The following FNBP1 variants were observed in gnomAD, a reference collection of about 807,000 sequenced individuals.
FNBP1 encodes the protein formin binding protein 1.
FNBP1 carries 26 observed loss-of-function variants against 90.6 expected under a neutral mutation model. The observed-to-expected ratio is 0.29, with a 90% CI of 0.21 to 0.40. FNBP1 has a LOEUF of 0.40. FNBP1 is among the 10% of genes least tolerant of loss of function. The pLI, the probability that FNBP1 is intolerant of heterozygous loss-of-function variation, is 1.00. For missense variants in FNBP1, 635 were observed against 768.0 expected, an observed-to-expected ratio of 0.83 and a Z score of 2.05; for synonymous variants, 260 against 265.2, an observed-to-expected ratio of 0.98 and a Z score of 0.19.
At chr9:130,047,489 T>C (rs1373470776), upstream of FNBP1, among the ~76,000 whole-genome samples, 1 of 152,176 alleles carries the variant, frequency 6.6e-6, no homozygotes, top group African/African-American at 2.4e-5. Context: ...GGCGCACGCC[T>C]GTAGTCCCAG....
chr9:130,015,004 G>A (rs965600613), intron 1 of FNBP1, among the ~76,000 whole-genome samples: 1 of 149,974 alleles, frequency 6.7e-6, no homozygotes, highest in South Asian at 2.1e-4. Flanking sequence ...GACGATTACT[G>A]TCTAAAGGCC....
Position 129,888,769 on chromosome 9 carries a change from C to T in FNBP1, c.*1770G>A, listed in dbSNP as rs1238792133. 1 of 233,058 alleles carries T rather than the reference C, an allele frequency of 4.3e-6. No homozygotes were observed. The highest frequency in any genetic ancestry group is 5.6e-5 in the Admixed American group (1 of 17,764). The allele number at this position is 233,058 out of a possible 1,614,324, so 14.4% of individuals were successfully genotyped here. On this transcript the variant is annotated 3_prime_UTR_variant, in exon 17 of 17. Coordinates refer to ENST00000446176, the MANE Select transcript of FNBP1 (RefSeq NM_015033.3). ...TCCGGAAGGGTGGTGTGTGGTCAAC[C>T]TTGGTTGGCTGAGAGGAGCAATTTC...
intron 2 of FNBP1, among the ~76,000 whole-genome samples, chr9:129,987,852 C>G (rs752583987): frequency 6.6e-6 from 1 of 151,908 alleles, no homozygotes; most frequent in Non-Finnish European, 1.5e-5. Flanking sequence ...ACTTTACTGT[C>G]GTTTGTACTG....
intron 1 of FNBP1, among the ~76,000 whole-genome samples, chr9:130,023,932 A>G (rs946198309): frequency 1.1e-4 from 17 of 152,142 alleles, no homozygotes; most frequent in Non-Finnish European, 2.4e-4. Context: ...TACCTAGTGT[A>G]TAAAATAGTA....
intron 2 of FNBP1, among the ~76,000 whole-genome samples, chr9:129,986,827 G>A (rs2052356913): frequency 6.6e-6 from 1 of 151,760 alleles, no homozygotes; most frequent in African/African-American, 2.4e-5. Flanking sequence ...ATAAAAATAA[G>A]AATAAGATGA....
At chr9:129,986,500 T>A (rs571052889) in intron 2 of FNBP1, among the ~76,000 whole-genome samples, 84 of 151,812 alleles carry the variant, frequency 5.5e-4, no homozygotes, top group Non-Finnish European at 9.9e-4. Flanking sequence ...AAAAAAAGGA[T>A]CTAAAGATAG....
chr9:130,035,076 G>A (rs1184420503), intron 1 of FNBP1, among the ~76,000 whole-genome samples: 7 of 152,284 alleles, frequency 4.6e-5, no homozygotes, highest in African/African-American at 1.7e-4. Context: ...TTGAACCTAA[G>A]AGGCAGAGGT....
chr9:129,949,469 A>T (rs2045838429), intron 6 of FNBP1, among the ~76,000 whole-genome samples: 1 of 152,176 alleles, frequency 6.6e-6, no homozygotes, highest in Non-Finnish European at 1.5e-5. Context: ...ATACTGTCTT[A>T]TAAGGGAACT....
chr9:129,948,786 C>A (rs1457368708), intron 6 of FNBP1, among the ~76,000 whole-genome samples: 1 of 152,108 alleles, frequency 6.6e-6, no homozygotes, highest in Admixed American at 6.6e-5. Flanking sequence ...AGTGATCCGC[C>A]AGCCTCAGCC....
the FNBP1 span, among the ~76,000 whole-genome samples, chr9:130,052,160 A>T: frequency 6.6e-6 from 1 of 152,194 alleles, no homozygotes; most frequent in Non-Finnish European, 1.5e-5. Flanking sequence ...CCTCATTCTT[A>T]TTCCTCTCAA....
chr9:129,949,347 T>C (rs769937571), intron 6 of FNBP1, among the ~76,000 whole-genome samples: 3 of 152,202 alleles, frequency 2.0e-5, no homozygotes, highest in African/African-American at 4.8e-5. Flanking sequence ...GGCATCCTCA[T>C]GGCATCCAAA....
chr9:130,003,664 C>T (rs1268046578), intron 1 of FNBP1, among the ~76,000 whole-genome samples: 1 of 151,254 alleles, frequency 6.6e-6, no homozygotes, highest in African/African-American at 2.4e-5. Flanking sequence ...TGGCTCACGC[C>T]TGTAATTCCA....
At chr9:130,013,007 A>T (rs2056817740) in intron 1 of FNBP1, among the ~76,000 whole-genome samples, 1 of 152,212 alleles carries the variant, frequency 6.6e-6, no homozygotes. Context: ...AAACTAAAAA[A>T]CTAAAAAATT....
At chr9:130,016,500 T>G (rs1397339166) in intron 1 of FNBP1, among the ~76,000 whole-genome samples, 1 of 152,118 alleles carries the variant, frequency 6.6e-6, no homozygotes, top group Non-Finnish European at 1.5e-5. Context: ...TCCCAGCACT[T>G]TGGGAGGCCG....
chr9:129,991,699 G>A (rs1264702295), intron 2 of FNBP1, among the ~76,000 whole-genome samples: 4 of 147,334 alleles, frequency 2.7e-5, no homozygotes, highest in Admixed American at 1.4e-4. Context: ...TCACTCTGTC[G>A]CCCAGGCTGG....
chr9:129,895,424 G>A (rs568792472), intron 16 of FNBP1: 431 of 1,103,242 alleles, frequency 3.9e-4, no homozygotes, highest in Non-Finnish European at 4.5e-4. Context: ...TCAGTGTATG[G>A]TGGATACTAG....
At chr9:129,926,079 C>T (rs982607520) in intron 8 of FNBP1, among the ~76,000 whole-genome samples, 1 of 152,046 alleles carries the variant, frequency 6.6e-6, no homozygotes, top group Non-Finnish European at 1.5e-5. Context: ...TCCAGCAATT[C>T]TCGTGCCTCA....
chr9:129,949,499 G>A (rs1423168585), intron 6 of FNBP1, among the ~76,000 whole-genome samples: 3 of 152,086 alleles, frequency 2.0e-5, no homozygotes, highest in Non-Finnish European at 4.4e-5. Flanking sequence ...CTGGTCACAC[G>A]CTGGCATCTA....
At chr9:129,914,872 T>C (rs2040019642) in intron 11 of FNBP1, 1 of 456,336 alleles carries the variant, frequency 2.2e-6, no homozygotes, top group African/African-American at 2.0e-5. Context: ...ACTGTCACAG[T>C]TGATCACTGT....
Sources: allele counts gnomAD v4.1 joint callset (sites outside exome capture counted in the v4.1 genomes callset), GRCh38; gene constraint gnomAD v4.1.1; transcripts MANE v1.5; gene names NCBI Gene and HGNC (gene_info 2026-07-23, HGNC 2026-07-21).